Variants in STARD13 observed in about 807,000 individuals in gnomAD.
STARD13 encodes StAR related lipid transfer domain containing 13.
Under a neutral mutation model 106.4 loss-of-function variants are expected in STARD13, and 62 were observed. That is an observed-to-expected ratio of 0.58 (90% CI 0.48 to 0.72). The LOEUF (loss-of-function observed/expected upper bound fraction) is 0.72, where lower values mean the gene tolerates loss of function less well. Ranked by LOEUF, STARD13 falls within the 30% of genes least tolerant of loss-of-function variation. STARD13 has a pLI of 0.00. For synonymous variants in STARD13, 565 were observed against 553.0 expected, an observed-to-expected ratio of 1.02 and a Z score of -0.31; for missense variants, 1,387 against 1,424.0, an observed-to-expected ratio of 0.97 and a Z score of 0.42.
At chr13:33,134,016 G>A (rs1362152364) in intron 4 of STARD13, among the ~76,000 whole-genome samples, 1 of 152,198 alleles carries the variant, frequency 6.6e-6, no homozygotes, top group East Asian at 1.9e-4. Context: ...ATCTCTAGGA[G>A]TCAGATGTGT....
chr13:33,391,186 A>G, the STARD13 span, among the ~76,000 whole-genome samples: 1 of 152,192 alleles, frequency 6.6e-6, no homozygotes, highest in Admixed American at 6.5e-5. Context: ...AATGGAAAAC[A>G]ATTTAGATCA....
At chr13:33,618,509 A>C in the STARD13 span, among the ~76,000 whole-genome samples, 1 of 149,306 alleles carries the variant, frequency 6.7e-6, no homozygotes, top group Non-Finnish European at 1.5e-5. Flanking sequence ...ATGTGCATAC[A>C]TCCATTCATA....
intron 1 of STARD13, chr13:33,280,321 C>G (rs1368649263): frequency 6.6e-6 from 1 of 152,150 alleles, no homozygotes; most frequent in Non-Finnish European, 1.5e-5. Context: ...CAGTATATCC[C>G]ACTCCAGTTG....
chr13:33,418,386 A>T, the STARD13 span, among the ~76,000 whole-genome samples: 1 of 152,170 alleles, frequency 6.6e-6, no homozygotes, highest in African/African-American at 2.4e-5. Flanking sequence ...GGGCAAGGGG[A>T]GGGGTGTCTG....
At chr13:33,664,005 T>C in the STARD13 span, among the ~76,000 whole-genome samples, 1 of 152,184 alleles carries the variant, frequency 6.6e-6, no homozygotes, top group Non-Finnish European at 1.5e-5. Flanking sequence ...ATCCAAATGC[T>C]TCCTCTGCAG....
Position 33,129,722 on chromosome 13 carries a change from A to T in STARD13, c.955T>A (p.Cys319Ser), listed in dbSNP as rs1224193152. 6.2e-7 allele frequency: 1 copy of T among 1,614,094 alleles called. No homozygotes were observed. Among genetic ancestry groups the T allele is most frequent in the Non-Finnish European group, 8.5e-7 (1 of 1,180,010 alleles). The change falls in exon 5 of 14, where the codon TGC becomes AGC. Residue 319 changes from cysteine (C) to serine (S), a missense_variant. Transcript: ENST00000336934. ...CCAGAGCATGGGAGCCCTTTTCTGC[A>T]GGCAGGTGGCGGCGAATTCTGGAGA... ...GDLQNSPPPA[C>S]RKGLPCSGKS...
chr13:33,490,082 C>A, the STARD13 span, among the ~76,000 whole-genome samples: 1 of 151,974 alleles, frequency 6.6e-6, no homozygotes, highest in South Asian at 2.1e-4. Flanking sequence ...TAACCACTAA[C>A]AGAATTTTAT....
chr13:33,531,886 T>G, the STARD13 span, among the ~76,000 whole-genome samples: 7 of 152,332 alleles, frequency 4.6e-5, no homozygotes, highest in African/African-American at 1.7e-4. Context: ...TCATTTGTTT[T>G]TTATCTCATA....
the STARD13 span, among the ~76,000 whole-genome samples, chr13:33,585,998 G>A: frequency 6.6e-6 from 1 of 152,150 alleles, no homozygotes; most frequent in Non-Finnish European, 1.5e-5. Flanking sequence ...TGAAATTCTG[G>A]AAACCGGTGA....
At position 33,142,862 on chromosome 13, in the gene STARD13, C is replaced by T. The variant is rs1364619197; in HGVS notation, c.324-489G>A. On this transcript the variant is annotated intron_variant, in intron 3 of 13. Transcript: ENST00000336934. ...ATGCTATAGGCTAACTATGCCGCTC[C>T]AGAACACATACGTTGAAGCCCTCCA... 3.9e-5 allele frequency among the ~76,000 whole-genome samples: 6 copies of T among 152,304 alleles called. No homozygotes were observed. The East Asian group carries it at 9.7e-4, about 25-fold the overall frequency.
In STARD13 at chr13:33,129,899, A is replaced by G; in HGVS notation, c.778T>C (p.Leu260=). The G allele has an allele frequency of 1.2e-6, 2 of 1,613,348 alleles. No individual in the cohort carries two copies. The highest frequency in any genetic ancestry group is 1.7e-6 in the Non-Finnish European group (2 of 1,179,998). The change falls in exon 5 of 14, where the codon TTG becomes CTG. Residue 260 remains leucine, a synonymous_variant. Transcript: ENST00000336934. ...CCTCGGAGTGTTTCCATGCGTTTCA[A>G]AAATGATTTGGCCCTAGCCCTCGTG... ...KPTRARAKSF[L]KRMETLRGKG...
At chr13:33,368,126 C>T in the STARD13 span, among the ~76,000 whole-genome samples, 1 of 152,102 alleles carries the variant, frequency 6.6e-6, no homozygotes, top group African/African-American at 2.4e-5. Context: ...GGGGAGTAAA[C>T]CCCATGACTC....
intron 1 of STARD13, among the ~76,000 whole-genome samples, chr13:33,260,311 T>G (rs1359867553): frequency 6.6e-6 from 1 of 152,242 alleles, no homozygotes; most frequent in African/African-American, 2.4e-5. Context: ...TCGCACTTAT[T>G]TGCAATGAAA....
the STARD13 span, among the ~76,000 whole-genome samples, chr13:33,550,796 T>C: frequency 6.6e-6 from 1 of 152,228 alleles, no homozygotes; most frequent in Non-Finnish European, 1.5e-5. Flanking sequence ...TTTCACTCCA[T>C]GCATTGCTTT....
the STARD13 span, among the ~76,000 whole-genome samples, chr13:33,373,769 AT>A: frequency 5.8e-5 from 8 of 138,922 alleles, no homozygotes; most frequent in Admixed American, 5.7e-4. Flanking sequence ...TTAGGACACT[AT>A]TAAAAAAAAA....
the STARD13 span, among the ~76,000 whole-genome samples, chr13:33,417,816 T>C: frequency 6.6e-6 from 1 of 152,188 alleles, no homozygotes; most frequent in Non-Finnish European, 1.5e-5. Flanking sequence ...GGGATTTCCT[T>C]TTTGTCCTGC....
chr13:33,590,704 T>TGGGGGGA, the STARD13 span, among the ~76,000 whole-genome samples: 1 of 32,768 alleles, frequency 3.1e-5, no homozygotes, highest in South Asian at 1.4e-3. Flanking sequence ...TGTCATGGGG[T>TGGGGGGA]GGGGGGAGGG....
At chr13:33,293,200 G>A (rs184067241) in intron 1 of STARD13, among the ~76,000 whole-genome samples, 304 of 152,180 alleles carry the variant, frequency 2.0e-3, no homozygotes, top group African/African-American at 7.0e-3. Flanking sequence ...ATATGTATTC[G>A]CTCATGGACC....
chr13:33,506,147 T>G, the STARD13 span, among the ~76,000 whole-genome samples: 1 of 152,140 alleles, frequency 6.6e-6, no homozygotes, highest in Admixed American at 6.6e-5. Context: ...TTTGTTTTCT[T>G]AAATCTCAAT....
Sources: gnomAD v4.1 joint callset for allele counts (sites outside exome capture counted in the v4.1 genomes callset) on GRCh38, gnomAD v4.1.1 for gene constraint, MANE v1.5 for transcripts, NCBI Gene and HGNC (gene_info 2026-07-23, HGNC 2026-07-21) for gene names.